Variants in EPB41L2 observed in about 807,000 individuals in gnomAD.
EPB41L2 encodes the protein band 4.1-like protein 2.
Under a neutral mutation model 113.0 loss-of-function variants are expected in EPB41L2, and 43 were observed. That is an observed-to-expected ratio of 0.38 (90% confidence interval 0.30 to 0.49). The LOEUF is 0.49. EPB41L2 is among the 20% of genes least tolerant of loss of function. The pLI, the probability that EPB41L2 is intolerant of heterozygous loss-of-function variation, is 0.95. For missense variants in EPB41L2, 1,147 were observed against 1,223.4 expected (o/e 0.94, Z 0.93); for synonymous variants, 442 against 436.7 (o/e 1.01, Z -0.15).
chr6:130,990,051 T>G (rs542946114), intron 1 of EPB41L2, among the ~76,000 whole-genome samples: 7 of 152,306 alleles, frequency 4.6e-5, no homozygotes, highest in African/African-American at 1.7e-4. Flanking sequence ...CAGGGCACAG[T>G]GGCTCACACC....
At chr6:131,036,067 G>A (rs1267403724) in intron 1 of EPB41L2, among the ~76,000 whole-genome samples, 6 of 152,106 alleles carry the variant, frequency 3.9e-5, no homozygotes, top group African/African-American at 7.2e-5. Context: ...TGGGCAGTGG[G>A]GAATCATTTA....
At chr6:130,904,567 G>A (rs1258220677) in intron 5 of EPB41L2, 27 bp from the exon 6 acceptor site, 1 of 1,439,956 alleles carries the variant, frequency 6.9e-7, no homozygotes, top group Non-Finnish European at 9.7e-7. Flanking sequence ...TCACAGTTAT[G>A]CACCCAATTA....
chr6:130,866,179 G>A (rs1783688787), intron 16 of EPB41L2, among the ~76,000 whole-genome samples: 1 of 152,014 alleles, frequency 6.6e-6, no homozygotes, highest in South Asian at 2.1e-4. Context: ...CATATATACG[G>A]GCACATATAT....
chr6:130,887,581 T>C (rs1791469065), intron 11 of EPB41L2, among the ~76,000 whole-genome samples: 1 of 152,230 alleles, frequency 6.6e-6, no homozygotes. Flanking sequence ...AAGCTCTGAC[T>C]GCACTTGCCT....
chr6:130,880,198 G>A lies in EPB41L2; in HGVS notation c.1842C>T (p.Ser614=), dbSNP rs1562375866. 6 of 1,608,324 alleles carry A rather than the reference G, an allele frequency of 3.7e-6. No homozygotes were observed. The highest frequency in any genetic ancestry group is 1.7e-4 in the Middle Eastern group (1 of 6,034). The change falls in exon 13 of 20, where the codon TCC becomes TCT. Residue 614 remains serine (S), a synonymous_variant. Transcript: ENST00000337057. ...AAATATTATCCCCTTCTACTCTCAA[G>A]GAATTTTTCTGTGAAATTAAATCAC... is the stretch of plus-strand genomic sequence containing the variant. ...HLQLIEGKKN[S]LRVEGDNIYV...
In EPB41L2 at chr6:130,869,530, A is replaced by G. The variant is rs1174449332; in HGVS notation, c.2607+33T>C. The stretch of plus-strand genomic sequence containing the variant: ...AGTTCCCCATCTGAGAAGCAGCTCT[A>G]GAGTTTGGCTCCCACCTGGGACTCC... On this transcript the variant is annotated intron_variant, in intron 15 of 19. Coordinates refer to ENST00000337057, the MANE Select transcript of EPB41L2 (RefSeq NM_001431.4). The G allele has an allele frequency of 2.5e-6, 4 of 1,590,538 alleles. No individual in the cohort carries two copies. The African/African-American group carries it at 5.4e-5, about 21-fold the overall frequency.
intron 19 of EPB41L2, among the ~76,000 whole-genome samples, chr6:130,851,266 T>C (rs1345019123): frequency 6.6e-6 from 1 of 152,204 alleles, no homozygotes; most frequent in Non-Finnish European, 1.5e-5. Flanking sequence ...CAGGGTTCTT[T>C]TCTCTCATCA....
chr6:130,893,408 C>T (rs1436496742), intron 10 of EPB41L2, among the ~76,000 whole-genome samples: 1 of 152,100 alleles, frequency 6.6e-6, no homozygotes, highest in Non-Finnish European at 1.5e-5. Flanking sequence ...GTGCATGAAA[C>T]CAAGAACACT....
chr6:130,888,176 TGCCAG>T, intron 11 of EPB41L2, among the ~76,000 whole-genome samples: 1 of 152,288 alleles, frequency 6.6e-6, no homozygotes, highest in African/African-American at 2.4e-5. Context: ...AAAAGCTCAG[TGCCAG>T]GTTACAGCCT....
intron 16 of EPB41L2, among the ~76,000 whole-genome samples, chr6:130,866,848 T>C (rs565084465): frequency 6.6e-6 from 1 of 152,318 alleles, no homozygotes; most frequent in South Asian, 2.1e-4. Flanking sequence ...AAACCTAAAA[T>C]CAAACACACA....
At chr6:130,857,819 C>T (rs190675448) in intron 19 of EPB41L2, among the ~76,000 whole-genome samples, 19 of 152,232 alleles carry the variant, frequency 1.2e-4, no homozygotes, top group Non-Finnish European at 2.8e-4. Flanking sequence ...TTAATAGCAT[C>T]TTCCAGAAAG....
intron 1 of EPB41L2, among the ~76,000 whole-genome samples, chr6:131,021,115 T>C (rs1789378813): frequency 2.0e-5 from 3 of 152,156 alleles, no homozygotes; most frequent in Admixed American, 2.0e-4. Context: ...ATTCTTAAGT[T>C]CACTCTGACC....
intron 19 of EPB41L2, among the ~76,000 whole-genome samples, chr6:130,846,101 T>C (rs879422413): frequency 3.3e-5 from 5 of 152,184 alleles, no homozygotes; most frequent in Non-Finnish European, 7.3e-5. Flanking sequence ...TAGGTGAACA[T>C]TAGAATTTGG....
intron 3 of EPB41L2, among the ~76,000 whole-genome samples, chr6:130,932,867 AG>A (rs1258066948): frequency 6.6e-6 from 1 of 152,256 alleles, no homozygotes; most frequent in African/African-American, 2.4e-5. Context: ...TCTAGAATTC[AG>A]GCCTGCTGGT....
At chr6:130,951,708 G>T (rs1435739617) in intron 3 of EPB41L2, among the ~76,000 whole-genome samples, 2 of 151,912 alleles carry the variant, frequency 1.3e-5, no homozygotes, top group African/African-American at 2.4e-5. Flanking sequence ...ATGGTTTTGA[G>T]TATCCTTCCC....
chr6:130,847,889 C>T (rs1051888974), intron 19 of EPB41L2, among the ~76,000 whole-genome samples: 1 of 152,262 alleles, frequency 6.6e-6, no homozygotes, highest in Admixed American at 6.5e-5. Context: ...TATGGTCAGG[C>T]TCCACTCAGT....
chr6:130,941,979 G>A (rs1250203414), intron 3 of EPB41L2, among the ~76,000 whole-genome samples: 1 of 152,164 alleles, frequency 6.6e-6, no homozygotes, highest in Non-Finnish European at 1.5e-5. Flanking sequence ...CAAACTGACA[G>A]ATCATTTATG....
chr6:130,954,306 G>T (rs1238411025), intron 3 of EPB41L2, among the ~76,000 whole-genome samples: 1 of 151,910 alleles, frequency 6.6e-6, no homozygotes, highest in Admixed American at 6.6e-5. Flanking sequence ...GCCCGCCTTG[G>T]CCTCCCAAAG....
chr6:130,861,781 A>C (rs1322172334), intron 18 of EPB41L2, among the ~76,000 whole-genome samples: 2 of 151,670 alleles, frequency 1.3e-5, no homozygotes, highest in Non-Finnish European at 2.9e-5. Context: ...CTGAGGCAGG[A>C]GAATCACTTG....
Sources: allele counts gnomAD v4.1 joint callset (sites outside exome capture counted in the v4.1 genomes callset), GRCh38; gene constraint gnomAD v4.1.1; transcripts MANE v1.5; gene names NCBI Gene and HGNC (gene_info 2026-07-23, HGNC 2026-07-21).